ESX1: variants seen among roughly 807,000 people sequenced by gnomAD.
The protein encoded by ESX1 is homeobox protein ESX1.
A neutral mutation model predicts 13.2 loss-of-function variants in ESX1; 2 were observed. That is an observed-to-expected ratio of 0.15 (90% CI 0.06 to 0.48). The LOEUF is 0.48. Ranked by LOEUF, ESX1 falls within the 20% of genes least tolerant of loss-of-function variation. The probability of loss-of-function intolerance (pLI) is 0.97; values close to 1 mark genes in which losing one functional copy is unlikely to be tolerated. For missense variants in ESX1, 307 were observed against 379.0 expected (o/e 0.81, Z 1.58); for synonymous variants, 157 against 163.1 (o/e 0.96, Z 0.29).
Position 104,254,154 on chromosome X carries a change from C to G in ESX1, c.506G>C (p.Arg169Pro), listed in dbSNP as rs782515449. Residue 169 changes from arginine (R) to proline (P), a missense_variant and splice_region_variant, in exon 2 of 4, where the codon CGA (arginine) becomes CCA (proline). Physicochemically the swap from Arg to Pro is moderately radical, Grantham distance 103 (BLOSUM62 -2). This residue lies in a region of ESX1 where 108 missense variants were observed against 147.5 expected (regional missense o/e 0.73). Coordinates refer to ENST00000372588, the MANE Select transcript of ESX1 (RefSeq NM_153448.4). ...GGCGCCTCCGGGGCAAGCCACTTAC[C>G]GCGCCACAACGTCGGGATATTGAGA... Reference protein sequence around the residue: ...DESQYPDVVARERLAARLNLT... With the variant: ...DESQYPDVVAPERLAARLNLT... 5 of 1,193,717 alleles carry G rather than the reference C, an allele frequency of 4.2e-6. No individual in the cohort carries two copies. Among genetic ancestry groups the G allele is most frequent in the Non-Finnish European group, 3.4e-6 (3 of 885,165 alleles).
Position 104,250,216 on chromosome X carries a change from G to T in ESX1, c.*12C>A, listed in dbSNP as rs368022150. 1.2e-5 allele frequency: 14 copies of T among 1,204,176 alleles called. No homozygotes were observed. The African/African-American group carries it at 2.1e-4, about 18-fold the overall frequency. On this transcript the variant is annotated 3_prime_UTR_variant, in exon 4 of 4. Transcript: ENST00000372588. ...GAAAGAACTTTGGAAAAACTGTTAT[G>T]AATACCTTACTTTAGAAAAAGGGAC...
At chrX:104,252,064 C>A (rs969678710) in intron 3 of ESX1, among the ~76,000 whole-genome samples, 16 of 111,766 alleles carry the variant, frequency 1.4e-4, no homozygotes, top group Non-Finnish European at 2.8e-4. Context: ...CCCATTACCA[C>A]TTAATTGAAA....
intron 2 of ESX1, 132 bp downstream of exon 2, chrX:104,254,022 C>T (rs1379245329): frequency 7.6e-6 from 6 of 792,327 alleles, no homozygotes; most frequent in Middle Eastern, 4.7e-4. Flanking sequence ...TCTTTTACAT[C>T]CTCCGCGCCC....
At position 104,254,230 on chromosome X, in the gene ESX1, T is replaced by TGCG; in HGVS notation, c.427_429dup (p.Arg143dup). On this transcript the variant is annotated inframe_insertion, in exon 2 of 4. Transcript: ENST00000372588. ...TGCAGCTGAAACTGCGTGAACGCGG[T>TGCG]GCGGCGGCGGCGTTTCCTCTCTGGG... 1.2e-5 allele frequency: 14 copies of TGCG among 1,212,014 alleles called. No individual in the cohort carries two copies. The highest frequency in any genetic ancestry group is 1.6e-5 in the Non-Finnish European group (14 of 895,447).
intron 3 of ESX1, among the ~76,000 whole-genome samples, chrX:104,251,794 T>C (rs13328508): frequency 4.5e-5 from 5 of 111,041 alleles, no homozygotes; most frequent in Non-Finnish European, 9.4e-5. Flanking sequence ...AACCCACCTT[T>C]TCAAAATAAT....
At position 104,250,791 on chromosome X, in the gene ESX1, C is replaced by G. The variant is rs1556394143; in HGVS notation, c.658G>C (p.Gly220Arg). 8.3e-7 allele frequency: 1 copy of G among 1,211,445 alleles called. No individual in the cohort carries two copies. Among genetic ancestry groups the G allele is most frequent in the Non-Finnish European group, 1.1e-6 (1 of 895,360 alleles). ...GCAGGAGCAGCATAATAGGCCCCAC[C>G]CAAGAACATGTCCAAAGGGTGGGCC... ...DLAHPLDMFL[G>R]GAYYAAPALD... is the part of the protein sequence containing the mutation. The change falls in exon 4 of 4, where the codon GGT becomes CGT. Residue 220 changes from glycine to arginine, a missense_variant. Gly to Arg is a moderately radical substitution (Grantham distance 125, BLOSUM62 -2). Coordinates refer to ENST00000372588, the MANE Select transcript of ESX1 (RefSeq NM_153448.4).
In ESX1 at chrX:104,254,902, T is replaced by C. The variant is rs782198213; in HGVS notation, c.-53A>G. On this transcript the variant is annotated 5_prime_UTR_variant, in exon 1 of 4. Transcript: ENST00000372588. ...CACTTCTGCAGACTCTGTGCGTGGTTCCGCGGCGATCCCGGGGTTGGAACT... is the reference window on the plus strand; with the variant it reads ...CACTTCTGCAGACTCTGTGCGTGGTCCCGCGGCGATCCCGGGGTTGGAACT... 13 of 1,030,711 alleles carry C rather than the reference T, an allele frequency of 1.3e-5. No homozygotes were observed. The African/African-American group carries it at 2.4e-4, about 19-fold the overall frequency. The allele number at this position is 1,030,711 out of a possible 1,213,427, so 84.9% of individuals were successfully genotyped here.
rs145629484 is a variant in ESX1 at position 104,254,252 on chromosome X, T to C, written c.408A>G (p.Pro136=). The C allele has an allele frequency of 1.7e-6, 2 of 1,210,949 alleles. No homozygotes were observed. The highest frequency in any genetic ancestry group is 1.8e-5 in the South Asian group (1 of 56,912). ...CGGTGCGGCGGCGGCGTTTCCTCTC[T>C]GGGGGCTGTGGTCCCTCAGCGGTTT... is the stretch of plus-strand genomic sequence containing the variant. ...GPQTAEGPQP[P]ERKRRRRTAF... is the part of the protein sequence containing the mutation. The change falls in exon 2 of 4, where the codon CCA becomes CCG. Residue 136 remains proline (P), a synonymous_variant. Transcript: ENST00000372588.
intron 2 of ESX1, 78 bp from the exon 3 acceptor site, chrX:104,252,906 G>A (rs1476066630): frequency 2.1e-5 from 20 of 965,833 alleles, no homozygotes; most frequent in Middle Eastern, 2.7e-4. Context: ...GCTCGGCTCA[G>A]CACTTTGGGA....
rs1569472738 is a variant in ESX1 at position 104,250,560 on chromosome X, AGGGTGGCACAGGCGCCATGCGTGGCCC to A, written c.862_888del (p.Gly288_Pro296del). 8.6e-5 allele frequency: 96 copies of A among 1,121,737 alleles called. No homozygotes were observed. The highest frequency in any genetic ancestry group is 1.0e-4 in the Non-Finnish European group (85 of 852,389). The allele number at this position is 1,121,737 out of a possible 1,213,427, so 92.4% of individuals were successfully genotyped here. A position where few individuals can be genotyped will look rare whatever the true frequency, so the allele number is the denominator to read the frequency against. On this transcript the variant is annotated inframe_deletion, in exon 4 of 4. Coordinates refer to ENST00000372588, the MANE Select transcript of ESX1 (RefSeq NM_153448.4). The stretch of plus-strand genomic sequence containing the variant: ...GGTGGCACAGGCGCCATGGGCGGCC[AGGGTGGCACAGGCGCCATGCGTGGCCC>A]GGGTGGCACAGGCGCCATGCGTGAG...
At chrX:104,252,667 T>C (rs1923212944) in intron 3 of ESX1, 116 bp downstream of exon 3, 14 of 740,989 alleles carry the variant, frequency 1.9e-5, no homozygotes, top group Admixed American at 1.0e-4. Flanking sequence ...TCAAAACTTA[T>C]TTGTCAACCA....
chrX:104,254,699 T>C, intron 1 of ESX1, 69 bp downstream of exon 1: 1 of 1,151,314 alleles, frequency 8.7e-7, no homozygotes, highest in Non-Finnish European at 1.2e-6. Context: ...TCTCCTCCGC[T>C]TGCCTCTCCC....
Position 104,254,497 on chromosome X carries a change from T to C in ESX1, c.163A>G (p.Thr55Ala), listed in dbSNP as rs1458747638. The change falls in exon 2 of 4, where the codon ACA becomes GCA. Residue 55 changes from threonine (T) to alanine (A), a missense_variant. Thr to Ala is a moderately conservative substitution (Grantham distance 58). This residue lies in a region of ESX1 where 152 missense variants were observed against 114.5 expected (regional missense o/e 1.33). Coordinates refer to ENST00000372588, the MANE Select transcript of ESX1 (RefSeq NM_153448.4). ...ENTRSKPEYG[T>A]EAENNVGTEG... ...GTGCCAACGTTGTTTTCCGCTTCTG[T>C]TCCGTACTCAGGTTTGGACCGTGTA... 4.1e-6 allele frequency: 5 copies of C among 1,210,530 alleles called. No individual in the cohort carries two copies. Among genetic ancestry groups the C allele is most frequent in the East Asian group, 3.0e-5 (1 of 33,748 alleles).
At position 104,254,906 on chromosome X, in the gene ESX1, C is replaced by T. The variant is rs1187563462; in HGVS notation, c.-57G>A. ...TCTGCAGACTCTGTGCGTGGTTCCG[C>T]GGCGATCCCGGGGTTGGAACTGGCT... On this transcript the variant is annotated 5_prime_UTR_variant, in exon 1 of 4. Coordinates refer to ENST00000372588, the MANE Select transcript of ESX1 (RefSeq NM_153448.4). 3 of 1,019,904 alleles carry T rather than the reference C, an allele frequency of 2.9e-6. No individual in the cohort carries two copies. In the Admixed American group the frequency reaches 6.7e-5, roughly 23 times the overall value. 84.1% of individuals were successfully genotyped at this position (1,019,904 alleles called of 1,213,427 possible). A position where few individuals can be genotyped will look rare whatever the true frequency, so the allele number is the denominator to read the frequency against.
Position 104,254,257 on chromosome X carries a change from G to A in ESX1, c.403C>T (p.Pro135Ser), listed in dbSNP as rs1923262723. 3 of 1,212,179 alleles carry A rather than the reference G, an allele frequency of 2.5e-6. No homozygotes were observed. The highest frequency in any genetic ancestry group is 2.2e-6 in the Non-Finnish European group (2 of 895,569). The change falls in exon 2 of 4, where the codon CCC (proline) becomes TCC (serine). Residue 135 changes from proline to serine, a missense_variant. Pro to Ser is a moderately conservative substitution (Grantham distance 74, BLOSUM62 -1). Around this residue, in one of 3 missense-constraint regions of ESX1, gnomAD observed 152 missense variants for 114.5 expected, o/e 1.33. Coordinates refer to ENST00000372588, the MANE Select transcript of ESX1 (RefSeq NM_153448.4). ...CGGCGGCGGCGTTTCCTCTCTGGGG[G>A]CTGTGGTCCCTCAGCGGTTTGTGGC... Reference protein sequence around the residue: ...EGPQTAEGPQPPERKRRRRTA... With the variant: ...EGPQTAEGPQSPERKRRRRTA...
intron 3 of ESX1, among the ~76,000 whole-genome samples, chrX:104,252,332 C>T (rs1209492120): frequency 8.9e-6 from 1 of 112,032 alleles, no homozygotes. Flanking sequence ...GACTGAGCCC[C>T]GAACATGACT....
rs1923136187 is a variant in ESX1 at position 104,250,394 on chromosome X, G to A, written c.1055C>T (p.Pro352Leu). The change falls in exon 4 of 4, where the codon CCG (proline) becomes CTG (leucine). Residue 352 changes from proline to leucine, a missense_variant. Pro to Leu is a moderately conservative substitution (Grantham distance 98, BLOSUM62 -3). Transcript: ENST00000372588. The part of the protein sequence containing the change: ...GPPMAPLPPG[P>L]PMAPLPPGPP... ...CCCGGGTGGCAGAGGCGCCATGGGCGGCCCGGGTGGCAGAGGCGCCATGGG... is the reference window on the plus strand; with the variant it reads ...CCCGGGTGGCAGAGGCGCCATGGGCAGCCCGGGTGGCAGAGGCGCCATGGG... The A allele has an allele frequency of 2.0e-6, 2 of 1,014,058 alleles. No individual in the cohort carries two copies. Among genetic ancestry groups the A allele is most frequent in the South Asian group, 3.4e-5 (1 of 29,565 alleles). 83.6% of individuals were successfully genotyped at this position (1,014,058 alleles called of 1,213,427 possible). A position where few individuals can be genotyped will look rare whatever the true frequency, so the allele number is the denominator to read the frequency against.
chrX:104,250,568 A>G lies in ESX1; in HGVS notation c.881T>C (p.Val294Ala). ...AGGCGCCATGGGCGGCCAGGGTGGCACAGGCGCCATGCGTGGCCCGGGTGG... is the reference window on the plus strand; with the variant it reads ...AGGCGCCATGGGCGGCCAGGGTGGCGCAGGCGCCATGCGTGGCCCGGGTGG... ...PVPPGPRMAP[V>A]PPWPPMAPVP... The change falls in exon 4 of 4, where the codon GTG becomes GCG. Residue 294 changes from valine to alanine, a missense_variant. Coordinates refer to ENST00000372588, the MANE Select transcript of ESX1 (RefSeq NM_153448.4). 8.6e-7 allele frequency: 1 copy of G among 1,167,709 alleles called. No individual in the cohort carries two copies. Among genetic ancestry groups the G allele is most frequent in the Non-Finnish European group, 1.1e-6 (1 of 871,982 alleles).
chrX:104,251,298 T>C (rs1293034482), intron 3 of ESX1, among the ~76,000 whole-genome samples: 4 of 112,455 alleles, frequency 3.6e-5, no homozygotes, highest in Non-Finnish European at 7.5e-5. Context: ...TCTGGCTCTT[T>C]CTTCCTTCCT....
Sources: gnomAD v4.1 joint callset for allele counts (sites outside exome capture counted in the v4.1 genomes callset) on GRCh38, gnomAD v4.1.1 for gene constraint, gnomAD v4.1.1 regional missense constraint, MANE v1.5 for transcripts, NCBI Gene and HGNC (gene_info 2026-07-23, HGNC 2026-07-21) for gene names.